Variants in PHLDB2 observed in about 807,000 individuals in gnomAD.
The protein encoded by PHLDB2 is pleckstrin homology-like domain family B member 2.
In PHLDB2, 71 loss-of-function variants were observed where a neutral mutation model predicts 123.6. That is an observed-to-expected ratio of 0.57 (90% CI 0.47 to 0.70). The LOEUF is 0.70. Among genes scored for constraint, PHLDB2 ranks in the 30% least tolerant of loss-of-function variants. PHLDB2 has a pLI of 0.00. For missense variants in PHLDB2, 1,446 were observed against 1,519.5 expected (o/e 0.95, Z 0.80); for synonymous variants, 547 against 541.6 (o/e 1.01, Z -0.14).
chr3:111,739,317 T>A (rs539538912), intron 1 of PHLDB2, among the ~76,000 whole-genome samples: 1 of 152,150 alleles, frequency 6.6e-6, no homozygotes, highest in African/African-American at 2.4e-5. Context: ...AGAAACCACA[T>A]CTGAATTCTC....
At chr3:111,857,027 C>A (rs1049835175), upstream of PHLDB2, among the ~76,000 whole-genome samples, 3 of 151,982 alleles carry the variant, frequency 2.0e-5, no homozygotes. Flanking sequence ...AGGGAGTGAA[C>A]CATGCAGATA....
chr3:111,972,699 A>T (rs575345887), intron 16 of PHLDB2, among the ~76,000 whole-genome samples: 3 of 152,242 alleles, frequency 2.0e-5, no homozygotes, highest in Non-Finnish European at 2.9e-5. Context: ...AGGAGCAGAT[A>T]CAGATCTACC....
At chr3:111,890,379 A>G (rs1012257016) in intron 2 of PHLDB2, among the ~76,000 whole-genome samples, 3 of 152,244 alleles carry the variant, frequency 2.0e-5, no homozygotes, top group African/African-American at 4.8e-5. Context: ...AAGCCAAGAA[A>G]AGATGTGTCT....
intron 1 of PHLDB2, among the ~76,000 whole-genome samples, chr3:111,861,540 A>G (rs1001353916): frequency 6.6e-6 from 1 of 152,222 alleles, no homozygotes; most frequent in Non-Finnish European, 1.5e-5. Context: ...GGTTAAGAGT[A>G]GTCATCATTT....
intron 1 of PHLDB2, among the ~76,000 whole-genome samples, chr3:111,745,609 A>T (rs1307689462): frequency 6.6e-6 from 1 of 152,078 alleles, no homozygotes; most frequent in Non-Finnish European, 1.5e-5. Flanking sequence ...AAAATTTTTT[A>T]AAAAATTAGC....
chr3:111,967,494 G>C (rs1357452241), intron 14 of PHLDB2, among the ~76,000 whole-genome samples, 184 bp from the exon 15 acceptor site: 1 of 152,208 alleles, frequency 6.6e-6, no homozygotes, highest in African/African-American at 2.4e-5. Flanking sequence ...CATTTCTGCA[G>C]ATGATGATTT....
At chr3:111,743,685 A>G (rs949390503) in intron 1 of PHLDB2, among the ~76,000 whole-genome samples, 2 of 152,204 alleles carry the variant, frequency 1.3e-5, no homozygotes, top group Non-Finnish European at 2.9e-5. Context: ...TAAGCAGAAT[A>G]TAAGTCAGAA....
chr3:111,969,759 G>C lies in PHLDB2; in HGVS notation c.3385G>C (p.Ala1129Pro), dbSNP rs746433601. ...TGATTTGCGGAGCCATGTAGAGACT[G>C]CTGGCCACAATATTGACACCTGTTA... ...DFDLRSHVET[A>P]GHNIDTCYHV... is the part of the protein sequence containing the mutation. Residue 1129 changes from alanine (A) to proline (P), a missense_variant, in exon 16 of 18, where the codon GCT (alanine) becomes CCT (proline). By Grantham distance (27) the Ala-to-Pro change is conservative. Around this residue, in one of 3 missense-constraint regions of PHLDB2, gnomAD observed 594 missense variants for 646.0 expected, o/e 0.92. Coordinates refer to ENST00000431670, the MANE Select transcript of PHLDB2 (RefSeq NM_001134438.2). The C allele has an allele frequency of 6.2e-7, 1 of 1,614,046 alleles. No homozygotes were observed. The highest frequency in any genetic ancestry group is 1.1e-5 in the South Asian group (1 of 91,088).
chr3:111,947,216 A>G (rs1451420699), intron 9 of PHLDB2, among the ~76,000 whole-genome samples: 2 of 152,202 alleles, frequency 1.3e-5, no homozygotes, highest in Non-Finnish European at 2.9e-5. Flanking sequence ...TCGTCTCCTA[A>G]TAGAAGAATG....
At chr3:111,772,396 A>T (rs2060193952) in intron 1 of PHLDB2, among the ~76,000 whole-genome samples, 1 of 152,162 alleles carries the variant, frequency 6.6e-6, no homozygotes, top group Non-Finnish European at 1.5e-5. Flanking sequence ...GGAGAAGGGA[A>T]GGAGTAAAAA....
intron 1 of PHLDB2, among the ~76,000 whole-genome samples, chr3:111,763,838 C>A (rs951389354): frequency 6.6e-6 from 1 of 152,178 alleles, no homozygotes; most frequent in Non-Finnish European, 1.5e-5. Context: ...TCACCAGACA[C>A]TGAATCTGTT....
chr3:111,953,184 GTA>G (rs1236954297), intron 11 of PHLDB2, among the ~76,000 whole-genome samples: 2 of 152,182 alleles, frequency 1.3e-5, no homozygotes, highest in Admixed American at 6.6e-5. Flanking sequence ...AAACTGAGGT[GTA>G]TAAGGCTAAG....
intron 1 of PHLDB2, among the ~76,000 whole-genome samples, chr3:111,795,083 C>A (rs1451899306): frequency 6.6e-6 from 1 of 152,112 alleles, no homozygotes; most frequent in African/African-American, 2.4e-5. Flanking sequence ...AGTTCTGCAC[C>A]ACTATCATCA....
At position 111,954,009 on chromosome 3, in the gene PHLDB2, A is replaced by T. The variant is rs1196420261; in HGVS notation, c.2852A>T (p.Glu951Val). 1 of 1,613,432 alleles carries T rather than the reference A, an allele frequency of 6.2e-7. No homozygotes were observed. Among genetic ancestry groups the T allele is most frequent in the Non-Finnish European group, 8.5e-7 (1 of 1,179,682 alleles). ...CTGGCAGCCATGGCCAAAGACTCAG[A>T]ATCTCGGAGGATGCTCAGAGGTACG... ...PSLAAMAKDS[E>V]SRRMLRGYNH... The change falls in exon 12 of 18, where the codon GAA becomes GTA. Residue 951 changes from glutamate (E) to valine (V), a missense_variant. This residue lies in a region of PHLDB2 where 594 missense variants were observed against 646.0 expected (regional missense o/e 0.92). Coordinates refer to ENST00000431670, the MANE Select transcript of PHLDB2 (RefSeq NM_001134438.2).
Position 111,945,280 on chromosome 3 carries a change from C to G in PHLDB2, c.2410C>G (p.Leu804Val). 1 of 1,608,780 alleles carries G rather than the reference C, an allele frequency of 6.2e-7. No individual in the cohort carries two copies. Among genetic ancestry groups the G allele is most frequent in the Non-Finnish European group, 8.5e-7 (1 of 1,175,840 alleles). The change falls in exon 9 of 18, where the codon CTT (leucine) becomes GTT (valine). Residue 804 changes from leucine (L) to valine (V), a missense_variant. Coordinates refer to ENST00000431670, the MANE Select transcript of PHLDB2 (RefSeq NM_001134438.2). ...IMMLQREKEN[L>V]CNLEKKYSSL... is the part of the protein sequence containing the mutation. The stretch of plus-strand genomic sequence containing the variant: ...TGTATTCCTTCAGGAAAAGGAGAAT[C>G]TTTGTAATTTGGAAAAGAAATACTC...
At chr3:111,917,555 T>G (rs2068251060) in intron 3 of PHLDB2, 1 of 152,212 alleles carries the variant, frequency 6.6e-6, no homozygotes, top group African/African-American at 2.4e-5. Context: ...ACAGGCACCT[T>G]AGTATTAGGA....
intron 2 of PHLDB2, among the ~76,000 whole-genome samples, chr3:111,898,049 G>A (rs2066969610): frequency 6.6e-6 from 1 of 152,098 alleles, no homozygotes; most frequent in South Asian, 2.1e-4. Context: ...AATTATATGA[G>A]CCTTCAGTGA....
Position 111,937,077 on chromosome 3 carries a change from G to C in PHLDB2, c.2131-2398G>C, listed in dbSNP as rs531286822. 2.6e-5 allele frequency among the ~76,000 whole-genome samples: 4 copies of C among 152,294 alleles called. No homozygotes were observed. In the East Asian group the frequency reaches 7.7e-4, roughly 29 times the overall value. On this transcript the variant is annotated intron_variant, in intron 6 of 17. Coordinates refer to ENST00000431670, the MANE Select transcript of PHLDB2 (RefSeq NM_001134438.2). ...TTTTTGGAGCCAAATAAAATGTAAA[G>C]AAGTGTTAAGAAATGTTGAATATGT...
chr3:111,958,407 A>T, intron 12 of PHLDB2: 1 of 581,336 alleles, frequency 1.7e-6, no homozygotes, highest in East Asian at 1.1e-4. Flanking sequence ...ATAGCCATGT[A>T]AAAGTATATA....
Sources: gnomAD v4.1 joint callset for allele counts (sites outside exome capture counted in the v4.1 genomes callset) on GRCh38, gnomAD v4.1.1 for gene constraint, gnomAD v4.1.1 regional missense constraint, MANE v1.5 for transcripts, NCBI Gene and HGNC (gene_info 2026-07-23, HGNC 2026-07-21) for gene names.